The following MAPK8 variants were observed in gnomAD, a reference collection of about 807,000 sequenced individuals.
MAPK8 encodes the protein mitogen-activated protein kinase 8, also known as JUN N-terminal kinase.
In MAPK8, 13 loss-of-function variants were observed where a neutral mutation model predicts 52.9. The observed-to-expected ratio is 0.25, with a 90% CI of 0.16 to 0.39. MAPK8 has a LOEUF of 0.39. Among genes scored for constraint, MAPK8 ranks in the 10% least tolerant of loss-of-function variants. The pLI is 1.00. For synonymous variants in MAPK8, 191 were observed against 169.8 expected, an observed-to-expected ratio of 1.12 and a Z score of -0.97; for missense variants, 300 against 519.2, an observed-to-expected ratio of 0.58 and a Z score of 4.10.
At chr10:48,355,247 C>A (rs10776598) in intron 1 of MAPK8, among the ~76,000 whole-genome samples, 1 of 151,946 alleles carries the variant, frequency 6.6e-6, no homozygotes, top group Non-Finnish European at 1.5e-5. Flanking sequence ...TGGTGGCTCA[C>A]GCCTGTAATC....
intron 1 of MAPK8, among the ~76,000 whole-genome samples, chr10:48,392,922 T>G (rs1006607028): frequency 1.3e-5 from 2 of 152,176 alleles, no homozygotes; most frequent in African/African-American, 2.4e-5. Context: ...CTGCGTTCGC[T>G]CTACTCAAAT....
chr10:48,312,464 T>G (rs1355328731), intron 1 of MAPK8, among the ~76,000 whole-genome samples: 3 of 152,172 alleles, frequency 2.0e-5, no homozygotes, highest in Non-Finnish European at 2.9e-5. Flanking sequence ...GCTGAGAGAC[T>G]CAAGCCTGCC....
At chr10:48,372,587 T>G (rs2040392144) in intron 1 of MAPK8, among the ~76,000 whole-genome samples, 1 of 151,426 alleles carries the variant, frequency 6.6e-6, no homozygotes, top group Non-Finnish European at 1.5e-5. Flanking sequence ...TACACAAGTA[T>G]CAATAGCTGA....
chr10:48,390,836 T>A (rs979603914), intron 1 of MAPK8, among the ~76,000 whole-genome samples: 2 of 152,238 alleles, frequency 1.3e-5, no homozygotes, highest in Non-Finnish European at 2.9e-5. Context: ...TTAACTTTTT[T>A]AGCAGTTGTT....
intron 1 of MAPK8, among the ~76,000 whole-genome samples, chr10:48,369,602 T>C (rs1015653117): frequency 6.6e-6 from 1 of 151,850 alleles, no homozygotes; most frequent in Admixed American, 6.6e-5. Flanking sequence ...ACTAGAGCCA[T>C]GAGGGTAGAT....
At chr10:48,377,226 G>A (rs188902272) in intron 1 of MAPK8, among the ~76,000 whole-genome samples, 1 of 152,088 alleles carries the variant, frequency 6.6e-6, no homozygotes, top group Non-Finnish European at 1.5e-5. Flanking sequence ...GGGGTTTGGG[G>A]GAGGGATAGC....
chr10:48,317,307 G>C (rs1002746967), intron 1 of MAPK8, among the ~76,000 whole-genome samples: 1 of 152,100 alleles, frequency 6.6e-6, no homozygotes, highest in South Asian at 2.1e-4. Context: ...CCAGCCTCCC[G>C]AGTAGCTGGG....
At chr10:48,307,469 C>T (rs943891922) in intron 1 of MAPK8, among the ~76,000 whole-genome samples, 3 of 152,020 alleles carry the variant, frequency 2.0e-5, no homozygotes, top group Admixed American at 6.5e-5. Context: ...GTGGTCAGCG[C>T]GCATTTCTCT....
At position 48,410,168 on chromosome 10, in the gene MAPK8, G is replaced by T; in HGVS notation, c.450G>T (p.Arg150=). ...TTCATTCTGCTGGAATTATTCATCG[G>T]GTTAGTAGAAGAAACTATCGTCATA... is the stretch of plus-strand genomic sequence containing the variant. The part of the protein sequence containing the change: ...KHLHSAGIIH[R]DLKPSNIVVK... The change falls in exon 5 of 12, where the codon CGG becomes CGT. Residue 150 remains arginine (R), a splice_region_variant and synonymous_variant. Coordinates refer to ENST00000374189, the MANE Select transcript of MAPK8 (RefSeq NM_001323329.2). 1 of 1,512,470 alleles carries T rather than the reference G, an allele frequency of 6.6e-7. No individual in the cohort carries two copies. Among genetic ancestry groups the T allele is most frequent in the Non-Finnish European group, 8.8e-7 (1 of 1,133,124 alleles). 93.7% of individuals were successfully genotyped at this position (1,512,470 alleles called of 1,614,324 possible). A position where few individuals can be genotyped will look rare whatever the true frequency, so the allele number is the denominator to read the frequency against.
At chr10:48,361,229 A>G (rs1018809596) in intron 1 of MAPK8, among the ~76,000 whole-genome samples, 1 of 152,148 alleles carries the variant, frequency 6.6e-6, no homozygotes, top group African/African-American at 2.4e-5. Context: ...CCCTGATCAC[A>G]TTAATAGGGT....
chr10:48,313,606 C>G (rs1020660402), intron 1 of MAPK8, among the ~76,000 whole-genome samples: 1 of 152,220 alleles, frequency 6.6e-6, no homozygotes, highest in African/African-American at 2.4e-5. Context: ...ACGTATTTTT[C>G]ACAGCTTTAT....
At chr10:48,424,698 C>T in intron 7 of MAPK8, 2 of 557,112 alleles carry the variant, frequency 3.6e-6, no homozygotes, top group South Asian at 4.1e-5. Flanking sequence ...TGTTAAATTA[C>T]TCTTAAAATA....
intron 1 of MAPK8, among the ~76,000 whole-genome samples, chr10:48,311,541 T>C (rs1416498471): frequency 6.6e-6 from 1 of 152,218 alleles, no homozygotes; most frequent in Admixed American, 6.5e-5. Context: ...TCTAAAGGAA[T>C]GAGAATTTAG....
intron 1 of MAPK8, among the ~76,000 whole-genome samples, chr10:48,334,635 C>G (rs959071256): frequency 6.6e-6 from 1 of 152,160 alleles, no homozygotes; most frequent in Non-Finnish European, 1.5e-5. Flanking sequence ...ACAGAGCGGG[C>G]CACCTAAATC....
chr10:48,314,711 G>C (rs1166783002), intron 1 of MAPK8, among the ~76,000 whole-genome samples: 2 of 152,126 alleles, frequency 1.3e-5, no homozygotes, highest in African/African-American at 4.8e-5. Flanking sequence ...TTTAAGGGCT[G>C]TTTGTGTTTT....
chr10:48,399,435 G>A (rs942365900), intron 1 of MAPK8, among the ~76,000 whole-genome samples: 11 of 152,180 alleles, frequency 7.2e-5, no homozygotes, highest in African/African-American at 2.4e-4. Context: ...GAGCCTGTCT[G>A]CCTGCCTCTG....
At chr10:48,377,982 T>C (rs1459434319) in intron 1 of MAPK8, among the ~76,000 whole-genome samples, 1 of 152,172 alleles carries the variant, frequency 6.6e-6, no homozygotes, top group Non-Finnish European at 1.5e-5. Flanking sequence ...CAAGGGGTAA[T>C]TATTTACCTC....
At chr10:48,423,755 A>G (rs751615441) in intron 6 of MAPK8, among the ~76,000 whole-genome samples, 4 of 152,112 alleles carry the variant, frequency 2.6e-5, no homozygotes, top group Non-Finnish European at 4.4e-5. Flanking sequence ...GTACATTTTT[A>G]TTTACAAAGT....
At chr10:48,359,166 TTGA>T (rs1847294111) in intron 1 of MAPK8, among the ~76,000 whole-genome samples, 11 of 152,198 alleles carry the variant, frequency 7.2e-5, no homozygotes, top group Admixed American at 7.2e-4. Flanking sequence ...ATTCTTTGGG[TTGA>T]TATTACTGCT....
Sources: allele counts gnomAD v4.1 joint callset (sites outside exome capture counted in the v4.1 genomes callset), GRCh38; gene constraint gnomAD v4.1.1; transcripts MANE v1.5; gene names NCBI Gene and HGNC (gene_info 2026-07-23, HGNC 2026-07-21).